Variants in CRPPA observed in about 807,000 individuals in gnomAD.
The protein encoded by CRPPA is D-ribitol-5-phosphate cytidylyltransferase.
In CRPPA, 43 loss-of-function variants were observed where a neutral mutation model predicts 52.0. That is an observed-to-expected ratio of 0.83 (90% CI 0.65 to 1.07). The LOEUF is 1.07. CRPPA is among the 50% of genes least tolerant of loss of function. The probability of loss-of-function intolerance (pLI) is 0.00; values close to 1 mark genes in which losing one functional copy is unlikely to be tolerated. For synonymous variants in CRPPA, 250 were observed against 203.5 expected, an observed-to-expected ratio of 1.23 and a Z score of -1.94; for missense variants, 629 against 551.7, an observed-to-expected ratio of 1.14 and a Z score of -1.40.
chr7:16,188,924 A>G (rs1781555280), intron 9 of CRPPA, among the ~76,000 whole-genome samples: 1 of 152,178 alleles, frequency 6.6e-6, no homozygotes, highest in South Asian at 2.1e-4. Context: ...TCCAAAATAT[A>G]AAACAGCCAT....
At position 16,196,767 on chromosome 7, in the gene CRPPA, T is replaced by C. The variant is rs114855866; in HGVS notation, c.1251+19299A>G. ...GGCCTATTTCTATCACATCAAACTTTCTGGTCCCAGGAAAGCAATAATCAC... is the reference window on the plus strand; with the variant it reads ...GGCCTATTTCTATCACATCAAACTTCCTGGTCCCAGGAAAGCAATAATCAC... On this transcript the variant is annotated intron_variant, in intron 9 of 9. Transcript: ENST00000407010. Among the ~76,000 whole-genome samples, 915 of 152,252 alleles carry C rather than the reference T, an allele frequency of 6.0e-3. 10 individuals carry two copies. Among genetic ancestry groups the C allele is most frequent in the African/African-American group, 0.021 (874 of 41,558 alleles).
chr7:16,154,004 C>T (rs1462563918), intron 9 of CRPPA, among the ~76,000 whole-genome samples: 1 of 150,190 alleles, frequency 6.7e-6, no homozygotes, highest in East Asian at 1.9e-4. Context: ...TCAGGAAAGC[C>T]TTTCATTGAA....
chr7:16,091,412 C>T lies in CRPPA; in HGVS notation c.*283G>A, dbSNP rs867927432. The T allele has an allele frequency of 8.2e-5, 20 of 244,944 alleles. No homozygotes were observed. The highest frequency in any genetic ancestry group is 1.2e-4 in the Admixed American group (2 of 16,860). 15.2% of individuals were successfully genotyped at this position (244,944 alleles called of 1,614,324 possible). On this transcript the variant is annotated 3_prime_UTR_variant, in exon 10 of 10. Coordinates refer to ENST00000407010, the MANE Select transcript of CRPPA (RefSeq NM_001101426.4). ...CACCCCATCATTATTTCTATTTGACCGTTCATGTCTCTGTGGAAAGATTCA... is the reference window on the plus strand; with the variant it reads ...CACCCCATCATTATTTCTATTTGACTGTTCATGTCTCTGTGGAAAGATTCA...
At chr7:16,116,924 T>C (rs931812488) in intron 9 of CRPPA, among the ~76,000 whole-genome samples, 2 of 152,168 alleles carry the variant, frequency 1.3e-5, no homozygotes, top group African/African-American at 4.8e-5. Context: ...TACAAAGCAA[T>C]CTGGCTGAAA....
chr7:16,098,314 A>G (rs1208995095), intron 9 of CRPPA, among the ~76,000 whole-genome samples: 1 of 152,218 alleles, frequency 6.6e-6, no homozygotes, highest in Non-Finnish European at 1.5e-5. Flanking sequence ...ATAAAGTTAA[A>G]ATGTATGCAT....
chr7:16,367,919 C>T (rs1279468099), intron 3 of CRPPA, among the ~76,000 whole-genome samples: 4 of 152,108 alleles, frequency 2.6e-5, no homozygotes, highest in African/African-American at 9.7e-5. Flanking sequence ...GCAAAAGGTA[C>T]ATAATTAACA....
At chr7:16,305,672 C>G (rs553828218) in intron 4 of CRPPA, among the ~76,000 whole-genome samples, 5 of 152,136 alleles carry the variant, frequency 3.3e-5, no homozygotes, top group Non-Finnish European at 5.9e-5. Flanking sequence ...TCAAGACCAT[C>G]CTGGCCAACA....
intron 3 of CRPPA, among the ~76,000 whole-genome samples, chr7:16,360,944 G>T (rs1786427504): frequency 6.6e-6 from 1 of 152,082 alleles, no homozygotes; most frequent in Admixed American, 6.5e-5. Context: ...CTCTGGAATA[G>T]AAGAGAATAT....
chr7:16,195,344 T>A (rs1190118469), intron 9 of CRPPA, among the ~76,000 whole-genome samples: 1 of 152,106 alleles, frequency 6.6e-6, no homozygotes, highest in Non-Finnish European at 1.5e-5. Flanking sequence ...ATATTTAAGT[T>A]GACTCACTCT....
chr7:16,244,202 C>G (rs887835650), intron 8 of CRPPA, among the ~76,000 whole-genome samples: 2 of 151,950 alleles, frequency 1.3e-5, no homozygotes, highest in African/African-American at 4.8e-5. Context: ...GAATAGTAGC[C>G]TCTTACTAGT....
At chr7:16,107,770 G>A (rs1782186618) in intron 9 of CRPPA, among the ~76,000 whole-genome samples, 1 of 152,062 alleles carries the variant, frequency 6.6e-6, no homozygotes, top group Non-Finnish European at 1.5e-5. Context: ...ATACTAGTAT[G>A]AGAGTTTAAA....
intron 8 of CRPPA, among the ~76,000 whole-genome samples, chr7:16,217,266 A>T (rs1782355501): frequency 6.7e-6 from 1 of 150,290 alleles, no homozygotes; most frequent in African/African-American, 2.4e-5. Context: ...AACAGAAAGG[A>T]CATCCACACC....
chr7:16,329,143 T>C (rs1785488798), intron 3 of CRPPA, among the ~76,000 whole-genome samples: 1 of 152,154 alleles, frequency 6.6e-6, no homozygotes, highest in Non-Finnish European at 1.5e-5. Context: ...ATAGGCAATT[T>C]TAGTTACAGA....
rs202108204 is a variant in CRPPA at position 16,406,063 on chromosome 7, C to T, written c.532G>A (p.Gly178Arg). 1.6e-4 allele frequency: 251 copies of T among 1,612,486 alleles called. No individual in the cohort carries two copies. The highest frequency in any genetic ancestry group is 1.7e-4 in the Non-Finnish European group (205 of 1,178,900). ...LKVVTAAKEH[G>R]AAGAIRPLVS... ...TAGACTCAAGAAAAAAGACTTACCC[C>T]GTGTTCCTTAGCAGCTGTGACAACT... The change falls in exon 2 of 10, where the codon GGG becomes AGG. Residue 178 changes from glycine (G) to arginine (R), a missense_variant and splice_region_variant. Physicochemically the swap from Gly to Arg is moderately radical, Grantham distance 125. Transcript: ENST00000407010.
chr7:16,221,437 T>C (rs1782499907), intron 8 of CRPPA, among the ~76,000 whole-genome samples: 1 of 152,102 alleles, frequency 6.6e-6, no homozygotes, highest in East Asian at 1.9e-4. Context: ...AAGCCAAAAT[T>C]GACAAATGGG....
chr7:16,319,957 T>C (rs1419830370), intron 3 of CRPPA, among the ~76,000 whole-genome samples: 1 of 152,218 alleles, frequency 6.6e-6, no homozygotes, highest in Admixed American at 6.5e-5. Flanking sequence ...TGCTAGGTCC[T>C]GGACTTTGAG....
chr7:16,168,404 A>G (rs911847533), intron 9 of CRPPA, among the ~76,000 whole-genome samples: 4 of 152,152 alleles, frequency 2.6e-5, no homozygotes, highest in African/African-American at 9.7e-5. Flanking sequence ...CTAAATTGAA[A>G]TAGATTTATA....
At chr7:16,361,244 C>G (rs763251519) in intron 3 of CRPPA, among the ~76,000 whole-genome samples, 1 of 152,032 alleles carries the variant, frequency 6.6e-6, no homozygotes, top group Non-Finnish European at 1.5e-5. Context: ...TGATTGGAAA[C>G]CCGTGTGAAC....
At chr7:16,387,312 A>G (rs1337539593) in intron 2 of CRPPA, among the ~76,000 whole-genome samples, 1 of 151,814 alleles carries the variant, frequency 6.6e-6, no homozygotes, top group Non-Finnish European at 1.5e-5. Context: ...TGTAATTTTT[A>G]AATATCTCAC....
Sources: allele counts gnomAD v4.1 joint callset (sites outside exome capture counted in the v4.1 genomes callset), GRCh38; gene constraint gnomAD v4.1.1; transcripts MANE v1.5; gene names NCBI Gene and HGNC (gene_info 2026-07-23, HGNC 2026-07-21).